PRSS23: variants seen among roughly 807,000 people sequenced by gnomAD.
PRSS23 encodes the protein serine protease 23.
A neutral mutation model predicts 34.7 loss-of-function variants in PRSS23; 25 were observed. The observed-to-expected ratio is 0.72, with a 90% CI of 0.53 to 1.01. The LOEUF (loss-of-function observed/expected upper bound fraction) is 1.01, where lower values mean the gene tolerates loss of function less well. Ranked by LOEUF, PRSS23 falls within the 50% of genes least tolerant of loss-of-function variation. PRSS23 has a pLI of 0.00. For synonymous variants in PRSS23, 176 were observed against 186.6 expected, an observed-to-expected ratio of 0.94 and a Z score of 0.46; for missense variants, 445 against 475.6, an observed-to-expected ratio of 0.94 and a Z score of 0.60.
At chr11:86,806,255 A>G (rs1218773985) in intron 1 of PRSS23, among the ~76,000 whole-genome samples, 1 of 152,160 alleles carries the variant, frequency 6.6e-6, no homozygotes, top group Non-Finnish European at 1.5e-5. Flanking sequence ...ACATGGTTGC[A>G]TGTTGCTGTG....
chr11:86,927,100 G>C (rs1293242206), intron 2 of PRSS23, among the ~76,000 whole-genome samples: 1 of 152,180 alleles, frequency 6.6e-6, no homozygotes. Flanking sequence ...TTTAGATTCT[G>C]ACTGAGCTAA....
chr11:86,882,797 G>A (rs946604638), intron 2 of PRSS23, among the ~76,000 whole-genome samples: 2 of 152,158 alleles, frequency 1.3e-5, no homozygotes, highest in Non-Finnish European at 2.9e-5. Flanking sequence ...CACAATGGTT[G>A]AACTAATTTA....
At chr11:86,876,424 T>A (rs930949973) in intron 2 of PRSS23, among the ~76,000 whole-genome samples, 2 of 152,374 alleles carry the variant, frequency 1.3e-5, no homozygotes, top group African/African-American at 4.8e-5. Flanking sequence ...TTTCCTCATC[T>A]GTTATGATGA....
chr11:86,802,614 G>A (rs1295422584), intron 1 of PRSS23, among the ~76,000 whole-genome samples: 4 of 152,150 alleles, frequency 2.6e-5, no homozygotes, highest in East Asian at 1.9e-4. Flanking sequence ...CTTTCCTGCC[G>A]TTTCTTTCTG....
intron 2 of PRSS23, among the ~76,000 whole-genome samples, chr11:86,881,196 A>G (rs927007146): frequency 1.3e-5 from 2 of 150,250 alleles, no homozygotes; most frequent in African/African-American, 2.4e-5. Context: ...AGATTTCCTC[A>G]GGTTGAGGAA....
intron 2 of PRSS23, among the ~76,000 whole-genome samples, chr11:86,872,100 C>A (rs896473533): frequency 6.6e-6 from 1 of 152,190 alleles, no homozygotes; most frequent in African/African-American, 2.4e-5. Flanking sequence ...TTGGTTTCAA[C>A]TCTTTCTTGT....
Position 86,808,923 on chromosome 11 carries a change from A to C in PRSS23, c.*128A>C. The C allele has an allele frequency of 2.6e-6, 2 of 775,560 alleles. No individual in the cohort carries two copies. Among genetic ancestry groups the C allele is most frequent in the Non-Finnish European group, 4.1e-6 (2 of 485,102 alleles). The allele number at this position is 775,560 out of a possible 1,614,324, so 48.0% of individuals were successfully genotyped here. A position where few individuals can be genotyped will look rare whatever the true frequency, so the allele number is the denominator to read the frequency against. On this transcript the variant is annotated 3_prime_UTR_variant, in exon 2 of 2. Transcript: ENST00000280258. The stretch of plus-strand genomic sequence containing the variant: ...GTGTGTGTGTGTAAGGTGTCTTATA[A>C]TCTTTTACCTATTTCTTACAATTGC...
At chr11:86,800,448 C>A (rs1002665413), upstream of PRSS23, 5 of 983,128 alleles carry the variant, frequency 5.1e-6, no homozygotes, top group Admixed American at 3.1e-4. Context: ...GCGGCGTCCG[C>A]GCGGCTTCCC....
chr11:86,829,935 A>C (rs1161632699), intron 2 of PRSS23, among the ~76,000 whole-genome samples: 1 of 152,206 alleles, frequency 6.6e-6, no homozygotes, highest in Non-Finnish European at 1.5e-5. Flanking sequence ...CTCGGGTGTC[A>C]GGGGTCAGGG....
downstream of PRSS23, among the ~76,000 whole-genome samples, chr11:86,812,003 T>C (rs1948182113): frequency 6.6e-6 from 1 of 152,202 alleles, no homozygotes; most frequent in African/African-American, 2.4e-5. Context: ...ATGAACCAGC[T>C]CAGGTATGCC....
At chr11:86,933,331 CATAATT>C (rs1028595620) in intron 2 of PRSS23, 2 of 152,116 alleles carry the variant, frequency 1.3e-5, no homozygotes, top group African/African-American at 4.8e-5. Flanking sequence ...TAAGGTGGTG[CATAATT>C]ATAAGCCAGC....
intron 2 of PRSS23, among the ~76,000 whole-genome samples, chr11:86,866,039 C>T (rs1948647096): frequency 6.6e-6 from 1 of 152,192 alleles, no homozygotes; most frequent in Admixed American, 6.5e-5. Flanking sequence ...AGCCTAATCT[C>T]CTCACTTCTT....
At position 86,807,791 on chromosome 11, in the gene PRSS23, A is replaced by G. The variant is rs766231348; in HGVS notation, c.148A>G (p.Lys50Glu). ...GCCCCAGTCTACCCTCAATTTAGCC[A>G]AGCCAGACTTTGGAGCCGAAGCCAA... ...VLPQSTLNLA[K>E]PDFGAEAKLE... is the part of the protein sequence containing the mutation. Residue 50 changes from lysine (K) to glutamate (E), a missense_variant, in exon 2 of 2, where the codon AAG becomes GAG. By Grantham distance (56) the Lys-to-Glu change is moderately conservative. Transcript: ENST00000280258. 1.2e-6 allele frequency: 2 copies of G among 1,614,164 alleles called. No homozygotes were observed. Among genetic ancestry groups the G allele is most frequent in the Admixed American group, 3.3e-5 (2 of 60,028 alleles).
chr11:86,883,784 A>G (rs986700727), intron 2 of PRSS23, among the ~76,000 whole-genome samples: 3 of 152,092 alleles, frequency 2.0e-5, no homozygotes, highest in Middle Eastern at 3.2e-3. Flanking sequence ...TTTCATTTTC[A>G]TTCATTTCAA....
intron 2 of PRSS23, among the ~76,000 whole-genome samples, chr11:86,831,418 A>C (rs1396760359): frequency 6.6e-6 from 1 of 151,718 alleles, no homozygotes; most frequent in Non-Finnish European, 1.5e-5. Flanking sequence ...GTGGGATGAT[A>C]CTCCTAATGT....
intron 2 of PRSS23, among the ~76,000 whole-genome samples, chr11:86,827,941 G>T (rs1948316705): frequency 6.6e-6 from 1 of 152,136 alleles, no homozygotes; most frequent in South Asian, 2.1e-4. Flanking sequence ...GAATAGGTGT[G>T]GTGTGGTGCT....
intron 2 of PRSS23, among the ~76,000 whole-genome samples, chr11:86,864,386 G>A (rs1948636301): frequency 6.6e-6 from 1 of 152,314 alleles, no homozygotes; most frequent in South Asian, 2.1e-4. Context: ...TTGGAGGCTG[G>A]CGGTTCATGT....
intron 1 of PRSS23, among the ~76,000 whole-genome samples, chr11:86,802,141 C>T (rs922623965): frequency 1.1e-4 from 17 of 152,210 alleles, no homozygotes; most frequent in Non-Finnish European, 1.8e-4. Flanking sequence ...CTTAGGATTT[C>T]ATCCACCAGG....
At chr11:86,872,793 A>C (rs1767939548) in intron 2 of PRSS23, among the ~76,000 whole-genome samples, 1 of 152,212 alleles carries the variant, frequency 6.6e-6, no homozygotes, top group Admixed American at 6.5e-5. Context: ...ACCTGGTTTC[A>C]AAACCTAGCT....
Sources: gnomAD v4.1 joint callset for allele counts (sites outside exome capture counted in the v4.1 genomes callset) on GRCh38, gnomAD v4.1.1 for gene constraint, MANE v1.5 for transcripts, NCBI Gene and HGNC (gene_info 2026-07-23, HGNC 2026-07-21) for gene names.